The following FKBP5 variants were observed in gnomAD, a reference collection of about 807,000 sequenced individuals.
FKBP5 encodes the protein FKBP prolyl isomerase 5.
Under a neutral mutation model 50.5 loss-of-function variants are expected in FKBP5, and 23 were observed. The ratio of observed to expected loss-of-function variants is 0.46; its 90% confidence interval spans 0.33 to 0.65. The LOEUF is 0.65. FKBP5 is among the 30% of genes least tolerant of loss of function. The probability of loss-of-function intolerance (pLI) is 0.02; values close to 1 mark genes in which losing one functional copy is unlikely to be tolerated. For synonymous variants in FKBP5, 176 were observed against 190.6 expected, an observed-to-expected ratio of 0.92 and a Z score of 0.63; for missense variants, 411 against 553.1, an observed-to-expected ratio of 0.74 and a Z score of 2.58.
chr6:35,670,512 T>A lies in FKBP5; in HGVS notation c.-20+18292A>T, dbSNP rs924704537. Among the ~76,000 whole-genome samples, 9 of 151,864 alleles carry A rather than the reference T, an allele frequency of 5.9e-5. No homozygotes were observed. The South Asian group carries it at 8.3e-4, about 14-fold the overall frequency. On this transcript the variant is annotated intron_variant, in intron 1 of 10. Transcript: ENST00000357266. The stretch of plus-strand genomic sequence containing the variant: ...ACTTTGGGAGGCTGAGGCGGGTGGA[T>A]CACTTGAGGTTAGAAGTTCGCCCTG...
chr6:35,597,349 G>C lies in FKBP5; in HGVS notation c.564C>G (p.Phe188Leu). The part of the protein sequence containing the change: ...GRMFDCRDVA[F>L]TVGEGEDHDI... ...CGTGGTCTTCTCCTTCGCCCACAGT[G>C]AATGCCACATCTCTGCAGTCAAACA... The change falls in exon 6 of 11, where the codon TTC becomes TTG. Residue 188 changes from phenylalanine to leucine, a missense_variant. By Grantham distance (22) the Phe-to-Leu change is conservative. Transcript: ENST00000357266. 6.2e-7 allele frequency: 1 copy of C among 1,614,172 alleles called. No individual in the cohort carries two copies. The highest frequency in any genetic ancestry group is 8.5e-7 in the Non-Finnish European group (1 of 1,180,030).
chr6:35,589,975 A>G (rs1483693662), intron 7 of FKBP5, among the ~76,000 whole-genome samples: 2 of 152,250 alleles, frequency 1.3e-5, no homozygotes, highest in African/African-American at 4.8e-5. Context: ...CTAACAAAAT[A>G]TAAATGGTCA....
In FKBP5 at chr6:35,591,176, G is replaced by C; in HGVS notation, c.710C>G (p.Pro237Arg). The C allele has an allele frequency of 6.2e-7, 1 of 1,613,110 alleles. No homozygotes were observed. Among genetic ancestry groups the C allele is most frequent in the East Asian group, 2.2e-5 (1 of 44,820 alleles). Residue 237 changes from proline to arginine, a missense_variant, in exon 7 of 11, where the codon CCT becomes CGT. Transcript: ENST00000357266. ...AACTTCATATATAAGCTCAGCATTA[G>C]GTTCAATGCCAAATTTAGGCTTCCC... ...EAGKPKFGIE[P>R]NAELIYEVTL...
At chr6:35,588,713 G>A (rs867636909) in intron 7 of FKBP5, among the ~76,000 whole-genome samples, 28 of 151,508 alleles carry the variant, frequency 1.8e-4, no homozygotes, top group South Asian at 4.2e-4. Context: ...CAATCCTCCT[G>A]CCTCAGCCTC....
intron 2 of FKBP5, among the ~76,000 whole-genome samples, chr6:35,639,979 T>C (rs761006758): frequency 5.5e-4 from 84 of 152,238 alleles, no homozygotes; most frequent in African/African-American, 1.9e-3. Context: ...CCACTTAACC[T>C]TTCTCAGATT....
chr6:35,608,882 C>A (rs993243004), intron 5 of FKBP5, among the ~76,000 whole-genome samples: 1 of 152,166 alleles, frequency 6.6e-6, no homozygotes, highest in African/African-American at 2.4e-5. Context: ...ACTGCCACCT[C>A]TGTCTCCTGG....
intron 2 of FKBP5, among the ~76,000 whole-genome samples, chr6:35,638,745 A>T (rs948749027): frequency 1.3e-5 from 2 of 152,134 alleles, no homozygotes; most frequent in Admixed American, 1.3e-4. Context: ...GCAAAGAAAC[A>T]CTACTGCCCT....
At chr6:35,655,587 A>G (rs974916493) in intron 1 of FKBP5, among the ~76,000 whole-genome samples, 9 of 152,184 alleles carry the variant, frequency 5.9e-5, no homozygotes, top group Admixed American at 3.3e-4. Context: ...ACCACCTAGT[A>G]TAAGTAAATG....
chr6:35,579,003 C>A (rs1327482581), intron 9 of FKBP5, among the ~76,000 whole-genome samples: 3 of 151,998 alleles, frequency 2.0e-5, no homozygotes, highest in Non-Finnish European at 4.4e-5. Context: ...GTAGTCCCAG[C>A]TACTCAGGAG....
chr6:35,718,474 TC>T (rs1349425407), intron 2 of FKBP5, among the ~76,000 whole-genome samples: 2 of 152,172 alleles, frequency 1.3e-5, no homozygotes, highest in Non-Finnish European at 2.9e-5. Flanking sequence ...CTTATCCCCA[TC>T]TAGGGCTGAA....
intron 1 of FKBP5, among the ~76,000 whole-genome samples, chr6:35,725,927 A>G (rs556236996): frequency 6.6e-6 from 1 of 152,254 alleles, no homozygotes; most frequent in African/African-American, 2.4e-5. Flanking sequence ...CACCGCAGGG[A>G]AAGTCCTGAT....
At chr6:35,678,058 A>C (rs1238680670) in intron 1 of FKBP5, among the ~76,000 whole-genome samples, 1 of 152,212 alleles carries the variant, frequency 6.6e-6, no homozygotes, top group African/African-American at 2.4e-5. Flanking sequence ...TTACCACATT[A>C]ACCAAATTAG....
intron 1 of FKBP5, among the ~76,000 whole-genome samples, chr6:35,682,089 T>C (rs2151010688): frequency 7.8e-6 from 1 of 128,500 alleles, no homozygotes; most frequent in South Asian, 2.1e-4. Flanking sequence ...TGAAACACCT[T>C]TTCTCTTGTA....
Position 35,683,120 on chromosome 6 carries a change from ATGTGTGTGTGTGTGTGTGTG to A in FKBP5, c.-20+5664_-20+5683del, listed in dbSNP as rs35830022. On this transcript the variant is annotated intron_variant, in intron 1 of 10. Coordinates refer to ENST00000357266, the MANE Select transcript of FKBP5 (RefSeq NM_004117.4). ...AGTGTGTGTGTATATATATACGTAT[ATGTGTGTGTGTGTGTGTGTG>A]TGTGTGTGTGTGTGTGTGTGTGTGT... 2.5e-3 allele frequency among the ~76,000 whole-genome samples: 201 copies of A among 80,690 alleles called. 2 individuals carry two copies. Among genetic ancestry groups the A allele is most frequent in the South Asian group, 0.014 (31 of 2,198 alleles). 52.9% of individuals were successfully genotyped at this position (80,690 alleles called of 152,430 possible).
At chr6:35,708,802 T>C (rs934620520) in intron 2 of FKBP5, among the ~76,000 whole-genome samples, 15 of 152,174 alleles carry the variant, frequency 9.9e-5, no homozygotes, top group Non-Finnish European at 1.2e-4. Flanking sequence ...GCAGATGTAA[T>C]GGCAGGAGCT....
Position 35,626,098 on chromosome 6 carries a change from C to T in FKBP5, c.251-5824G>A, listed in dbSNP as rs565347945. Among the ~76,000 whole-genome samples, 8 of 152,278 alleles carry T rather than the reference C, an allele frequency of 5.3e-5. No individual in the cohort carries two copies. The East Asian group carries it at 9.7e-4, about 18-fold the overall frequency. On this transcript the variant is annotated intron_variant, in intron 3 of 10. Coordinates refer to ENST00000357266, the MANE Select transcript of FKBP5 (RefSeq NM_004117.4). ...CTGGCCACGTCAATTTATTCTTACA[C>T]TTGATCTGGACTTCAGTTTTACTAG...
chr6:35,638,996 AC>A (rs879489513), intron 2 of FKBP5, among the ~76,000 whole-genome samples: 11,070 of 152,210 alleles, frequency 0.073, 797 homozygotes, highest in African/African-American at 0.2. Flanking sequence ...CTATGGTATC[AC>A]TTCAGGCTTC....
Position 35,703,060 on chromosome 6 carries a change from G to C in FKBP5, c.-20+17268C>G, listed in dbSNP as rs748755905. Among the ~76,000 whole-genome samples the C allele has an allele frequency of 2.0e-5, 3 of 152,112 alleles. No individual in the cohort carries two copies. In the East Asian group the frequency reaches 5.8e-4, roughly 29 times the overall value. On this transcript the variant is annotated intron_variant, in intron 2 of 11. Transcript: ENST00000536438. Reference sequence around the variant, plus strand: ...AGGTCAGGAGTTCAAGACCAGCCTGGCCAACATGGCGAAACCCTGTCTCTA... The same window carrying C: ...AGGTCAGGAGTTCAAGACCAGCCTGCCCAACATGGCGAAACCCTGTCTCTA...
At chr6:35,622,102 A>C (rs997284454) in intron 3 of FKBP5, among the ~76,000 whole-genome samples, 1 of 152,264 alleles carries the variant, frequency 6.6e-6, no homozygotes. Context: ...GAAACCCTAC[A>C]TAACAGTATG....
Sources: gnomAD v4.1 joint callset for allele counts (sites outside exome capture counted in the v4.1 genomes callset) on GRCh38, gnomAD v4.1.1 for gene constraint, MANE v1.5 for transcripts, NCBI Gene and HGNC (gene_info 2026-07-23, HGNC 2026-07-21) for gene names.